Variants in C10orf143 observed in about 807,000 individuals in gnomAD.
C10orf143 encodes the protein uncharacterized protein C10orf143.
chr10:130,041,268 G>A (rs1434885361), intron 3 of C10orf143, among the ~76,000 whole-genome samples: 1 of 152,210 alleles, frequency 6.6e-6, no homozygotes, highest in Admixed American at 6.5e-5. Context: ...CGTGTGGACA[G>A]GTATCACCAG....
chr10:130,056,434 C>G lies in C10orf143; in HGVS notation c.298-20464G>C, dbSNP rs1402139673. 7.2e-5 allele frequency among the ~76,000 whole-genome samples: 11 copies of G among 152,248 alleles called. 1 individual carries two copies. Among genetic ancestry groups the G allele is most frequent in the African/African-American group, 2.6e-4 (11 of 41,548 alleles). Reference sequence around the variant, plus strand: ...TGAGTCAAGCGTTCAGTGAATACCCCAGGACCTTCATGTGGGTGACTGAGA... The same window carrying G: ...TGAGTCAAGCGTTCAGTGAATACCCGAGGACCTTCATGTGGGTGACTGAGA... On this transcript the variant is annotated intron_variant and NMD_transcript_variant, in intron 3 of 5. Coordinates refer to the C10orf143 transcript ENST00000643056. This position sits in a 1 kb window ranked among gnomAD's most constrained non-coding sequence, Gnocchi z 4.6.
chr10:130,101,062 AC>A (rs1308452654), intron 1 of C10orf143: 1 of 151,986 alleles, frequency 6.6e-6, no homozygotes, highest in African/African-American at 2.4e-5. Context: ...GACTAAAAAT[AC>A]AAAAAATTAG....
At chr10:130,086,436 C>T (rs1204725234) in intron 1 of C10orf143, among the ~76,000 whole-genome samples, 1 of 152,206 alleles carries the variant, frequency 6.6e-6, no homozygotes, top group Admixed American at 6.5e-5. Flanking sequence ...CCATATATTA[C>T]AGTAATCGTA....
At position 130,044,243 on chromosome 10, in the gene C10orf143, A is replaced by G. The variant is rs76827642; in HGVS notation, c.298-8273T>C. On this transcript the variant is annotated intron_variant and NMD_transcript_variant, in intron 3 of 5. Coordinates refer to the C10orf143 transcript ENST00000643056. ...AGCCTTGGCGGGAAAAGTGACCGAG[A>G]CATTTGAGAACAGGCTGAGCCTGAT... is the stretch of plus-strand genomic sequence containing the variant. Among the ~76,000 whole-genome samples, 1,319 of 152,262 alleles carry G rather than the reference A, an allele frequency of 8.7e-3. 17 individuals carry two copies. The highest frequency in any genetic ancestry group is 0.031 in the African/African-American group (1,285 of 41,552).
chr10:130,048,089 C>G (rs923967027), intron 3 of C10orf143, among the ~76,000 whole-genome samples: 1 of 152,202 alleles, frequency 6.6e-6, no homozygotes, highest in Admixed American at 6.5e-5. Context: ...ATCACAGGCC[C>G]CCTATCATCT....
At chr10:130,094,853 C>T (rs1861438268) in intron 1 of C10orf143, among the ~76,000 whole-genome samples, 1 of 152,136 alleles carries the variant, frequency 6.6e-6, no homozygotes, top group Non-Finnish European at 1.5e-5. Context: ...TCCTATTCAA[C>T]ATAGTATTGG....
At chr10:130,036,400 G>C (rs945388100) in intron 3 of C10orf143, among the ~76,000 whole-genome samples, 5 of 152,182 alleles carry the variant, frequency 3.3e-5, no homozygotes, top group African/African-American at 1.2e-4. Context: ...CCAGGCAGCT[G>C]CCATGCTGGC....
chr10:130,058,864 C>T (rs1860824188), intron 3 of C10orf143, among the ~76,000 whole-genome samples: 1 of 152,176 alleles, frequency 6.6e-6, no homozygotes. Context: ...TGATCATACC[C>T]ATGCAGGTGT....
At chr10:130,042,245 G>A (rs1269255920) in intron 3 of C10orf143, among the ~76,000 whole-genome samples, 1 of 152,214 alleles carries the variant, frequency 6.6e-6, no homozygotes, top group Non-Finnish European at 1.5e-5. Context: ...GAGTTATCAC[G>A]TACATGGAAC....
chr10:130,077,836 A>G (rs1861143226), intron 3 of C10orf143, among the ~76,000 whole-genome samples: 1 of 152,218 alleles, frequency 6.6e-6, no homozygotes, highest in African/African-American at 2.4e-5. Flanking sequence ...AGTCTGTTCA[A>G]ATATCAAGAG....
At chr10:130,052,178 G>A (rs969389995) in intron 3 of C10orf143, among the ~76,000 whole-genome samples, 1 of 148,500 alleles carries the variant, frequency 6.7e-6, no homozygotes, top group Non-Finnish European at 1.5e-5. Flanking sequence ...ACATCCTTCC[G>A]GCCTGTATAA....
chr10:130,093,783 C>T (rs1004980717), intron 1 of C10orf143, among the ~76,000 whole-genome samples: 16 of 152,106 alleles, frequency 1.1e-4, no homozygotes, highest in African/African-American at 2.7e-4. Context: ...GAGGCCGAGG[C>T]GGGCGGATCA....
At chr10:130,101,586 A>G (rs1185326) in intron 1 of C10orf143, among the ~76,000 whole-genome samples, 95,713 of 151,604 alleles carry the variant, frequency 0.63, 30,506 homozygotes, top group Admixed American at 0.72. Flanking sequence ...GATTTTTTTG[A>G]CCGGGCATGG....
At chr10:130,061,781 A>C (rs1217447011), downstream of C10orf143, among the ~76,000 whole-genome samples, 1 of 152,234 alleles carries the variant, frequency 6.6e-6, no homozygotes, top group African/African-American at 2.4e-5. Flanking sequence ...CCTATTAGCT[A>C]ATCTGTTTTA....
intron 1 of C10orf143, among the ~76,000 whole-genome samples, chr10:130,100,337 C>T (rs1335494103): frequency 6.6e-6 from 1 of 151,836 alleles, no homozygotes; most frequent in African/African-American, 2.4e-5. Context: ...CAAGACCAGC[C>T]TGGCCAACAT....
chr10:130,085,224 A>C (rs181848718), intron 1 of C10orf143, among the ~76,000 whole-genome samples: 119 of 152,360 alleles, frequency 7.8e-4, no homozygotes, highest in African/African-American at 2.7e-3. Context: ...ATGTTTGCAC[A>C]GCCTCAAACT....
At chr10:130,074,579 C>G (rs536830257) in intron 3 of C10orf143, among the ~76,000 whole-genome samples, 1 of 152,220 alleles carries the variant, frequency 6.6e-6, no homozygotes, top group South Asian at 2.1e-4. Flanking sequence ...CCCTAGCAAG[C>G]ACAGGCAGTG....
chr10:130,107,864 C>T (rs745535996), intron 1 of C10orf143: 2 of 1,264,948 alleles, frequency 1.6e-6, no homozygotes, highest in African/African-American at 1.5e-5. Flanking sequence ...GATGTTTCCT[C>T]CACCAGCGCA....
intron 3 of C10orf143, among the ~76,000 whole-genome samples, chr10:130,039,277 AG>A (rs1860579941): frequency 6.6e-6 from 1 of 152,142 alleles, no homozygotes; most frequent in African/African-American, 2.4e-5. Flanking sequence ...TTGGGGGCTG[AG>A]AAGTCCCACA....
Sources: allele counts gnomAD v4.1 joint callset (sites outside exome capture counted in the v4.1 genomes callset), GRCh38; gene constraint gnomAD v4.1.1; non-coding constraint Gnocchi (gnomAD v3.1); transcripts MANE v1.5; gene names NCBI Gene and HGNC (gene_info 2026-07-23, HGNC 2026-07-21).